Variants in TRAK1 observed in about 807,000 individuals in gnomAD.
TRAK1 encodes the protein trafficking kinesin-binding protein 1.
A neutral mutation model predicts 92.1 loss-of-function variants in TRAK1; 33 were observed. The observed-to-expected ratio is 0.36, with a 90% confidence interval of 0.27 to 0.48. The LOEUF (loss-of-function observed/expected upper bound fraction) is 0.48, where lower values mean the gene tolerates loss of function less well. Among genes scored for constraint, TRAK1 ranks in the 20% least tolerant of loss-of-function variants. TRAK1 has a pLI of 0.99. For synonymous variants in TRAK1, 521 were observed against 517.3 expected (o/e 1.01, Z -0.10); for missense variants, 1,123 against 1,257.9 (o/e 0.89, Z 1.62).
chr3:42,149,575 T>C (rs1183578750), intron 2 of TRAK1: 1 of 1,536,048 alleles, frequency 6.5e-7, no homozygotes, highest in South Asian at 1.2e-5. Context: ...TGAACTAGAC[T>C]GGTATTATGA....
chr3:42,156,755 A>G (rs1700581559), intron 2 of TRAK1, among the ~76,000 whole-genome samples: 1 of 152,232 alleles, frequency 6.6e-6, no homozygotes, highest in African/African-American at 2.4e-5. Context: ...ATATATCACC[A>G]TGAAACACTG....
At chr3:42,106,655 A>C (rs959424794) in intron 1 of TRAK1, among the ~76,000 whole-genome samples, 1 of 152,212 alleles carries the variant, frequency 6.6e-6, no homozygotes, top group Non-Finnish European at 1.5e-5. Context: ...TCTGCTTTGT[A>C]GGTTGTCCTT....
In TRAK1 at chr3:42,202,991, A is replaced by G. The variant is rs1707857988; in HGVS notation, c.1744+239A>G. ...AGGCCATGAAACTCGCCGAGGAAAGACAAGCATGTGCACTGTGGTCTTCTA... is the reference window on the plus strand; with the variant it reads ...AGGCCATGAAACTCGCCGAGGAAAGGCAAGCATGTGCACTGTGGTCTTCTA... On this transcript the variant is annotated intron_variant, in intron 13 of 15. Transcript: ENST00000327628. The surrounding 1 kb of genome is among the most constrained non-coding windows in gnomAD (Gnocchi z 6.1). 7.5e-7 allele frequency: 1 copy of G among 1,338,188 alleles called. No individual in the cohort carries two copies. Among genetic ancestry groups the G allele is most frequent in the Non-Finnish European group, 9.6e-7 (1 of 1,043,634 alleles). 82.9% of individuals were successfully genotyped at this position (1,338,188 alleles called of 1,614,324 possible).
chr3:42,192,911 G>A (rs368332447), intron 7 of TRAK1, among the ~76,000 whole-genome samples, 164 bp from the exon 8 acceptor site: 1 of 152,148 alleles, frequency 6.6e-6, no homozygotes, highest in Non-Finnish European at 1.5e-5. Flanking sequence ...GCTTCTCCAT[G>A]TGGGAAAATG....
At chr3:42,143,531 G>A (rs1296666237) in intron 2 of TRAK1, among the ~76,000 whole-genome samples, 1 of 152,160 alleles carries the variant, frequency 6.6e-6, no homozygotes, top group Non-Finnish European at 1.5e-5. Context: ...GGTCTGAGGA[G>A]TAAGTGAGAT....
chr3:42,183,210 T>A (rs1229728244), intron 3 of TRAK1, among the ~76,000 whole-genome samples: 1 of 152,184 alleles, frequency 6.6e-6, no homozygotes. Flanking sequence ...CGGTTGCTGT[T>A]ACTAAAATGG....
At chr3:42,171,971 C>G (rs1239432321) in intron 2 of TRAK1, among the ~76,000 whole-genome samples, 1 of 152,184 alleles carries the variant, frequency 6.6e-6, no homozygotes, top group Admixed American at 6.5e-5. Context: ...CCTCCATCCC[C>G]CCTCTCCGTC....
chr3:42,103,046 A>G (rs984804092), intron 1 of TRAK1, among the ~76,000 whole-genome samples: 3 of 152,186 alleles, frequency 2.0e-5, no homozygotes, highest in African/African-American at 2.4e-5. Flanking sequence ...GGGTTGTGCA[A>G]TTATCACCAG....
intron 2 of TRAK1, among the ~76,000 whole-genome samples, chr3:42,141,998 A>C (rs1371824833): frequency 6.6e-6 from 1 of 152,190 alleles, no homozygotes; most frequent in Non-Finnish European, 1.5e-5. Context: ...TTAGCCGGGC[A>C]TGGTGGCGCA....
At chr3:42,186,613 C>T (rs979246065) in intron 4 of TRAK1, among the ~76,000 whole-genome samples, 7 of 152,198 alleles carry the variant, frequency 4.6e-5, no homozygotes, top group African/African-American at 1.7e-4. Context: ...CCCCTCCTAG[C>T]CACTTCTGAG....
intron 14 of TRAK1, chr3:42,211,609 A>G (rs1015626599): frequency 8.1e-6 from 8 of 985,386 alleles, no homozygotes; most frequent in Non-Finnish European, 8.4e-6. Context: ...CCTTACAGGT[A>G]GAATAGAAGG....
chr3:42,025,199 A>G (rs1211108918), intron 1 of TRAK1, among the ~76,000 whole-genome samples: 3 of 152,168 alleles, frequency 2.0e-5, no homozygotes, highest in Admixed American at 6.5e-5. Flanking sequence ...TGCCTTGGTC[A>G]GGGGGAGAGT....
At chr3:42,212,211 C>T (rs766552709) in intron 14 of TRAK1, 2 of 985,330 alleles carry the variant, frequency 2.0e-6, no homozygotes, top group Admixed American at 6.1e-5. Flanking sequence ...AGGCATGGGG[C>T]ATCCTCTGTC....
intron 1 of TRAK1, among the ~76,000 whole-genome samples, chr3:42,054,825 G>A (rs900462335): frequency 7.8e-6 from 1 of 129,012 alleles, no homozygotes; most frequent in Non-Finnish European, 1.6e-5. Flanking sequence ...CTGAACTTTT[G>A]TTAATAATAC....
At chr3:42,186,498 G>A (rs1704880426) in intron 4 of TRAK1, among the ~76,000 whole-genome samples, 1 of 152,206 alleles carries the variant, frequency 6.6e-6, no homozygotes, top group Admixed American at 6.5e-5. Flanking sequence ...GAATGCTGTT[G>A]TATTTTAGGA....
At chr3:42,054,552 A>G (rs965347672) in intron 1 of TRAK1, among the ~76,000 whole-genome samples, 1 of 152,186 alleles carries the variant, frequency 6.6e-6, no homozygotes, top group South Asian at 2.1e-4. Context: ...TCACATTTCT[A>G]CCTAGCCTGG....
intron 4 of TRAK1, among the ~76,000 whole-genome samples, chr3:42,185,988 TTTTTTTTTTTTTG>T (rs1425290359): frequency 3.2e-4 from 27 of 83,920 alleles, no homozygotes; most frequent in African/African-American, 9.2e-4. Flanking sequence ...TTTTTTTTTT[TTTTTTTTTTTTTG>T]AGATAAGGTC....
At chr3:42,174,580 C>T (rs991645719) in intron 2 of TRAK1, among the ~76,000 whole-genome samples, 7 of 151,704 alleles carry the variant, frequency 4.6e-5, no homozygotes, top group Admixed American at 3.9e-4. Flanking sequence ...AAGTGATTCT[C>T]CTGCCTCAGC....
At chr3:42,216,491 G>A (rs3774389) in intron 14 of TRAK1, among the ~76,000 whole-genome samples, 2 of 151,998 alleles carry the variant, frequency 1.3e-5, no homozygotes, top group African/African-American at 4.8e-5. Flanking sequence ...AAGAGTGAAA[G>A]TAAGAGTGGT....
Sources: gnomAD v4.1 joint callset for allele counts (sites outside exome capture counted in the v4.1 genomes callset) on GRCh38, gnomAD v4.1.1 for gene constraint, Gnocchi (gnomAD v3.1) non-coding constraint, MANE v1.5 for transcripts, NCBI Gene and HGNC (gene_info 2026-07-23, HGNC 2026-07-21) for gene names.